The following KCNMB4 variants were observed in gnomAD, a reference collection of about 807,000 sequenced individuals.
KCNMB4 encodes the protein potassium calcium-activated channel subfamily M regulatory beta subunit 4, also known as calcium-activated potassium channel subunit beta-4.
KCNMB4 carries 3 observed loss-of-function variants against 20.7 expected under a neutral mutation model. The ratio of observed to expected loss-of-function variants is 0.14; its 90% CI spans 0.07 to 0.37. KCNMB4 has a LOEUF of 0.37. KCNMB4 is among the 10% of genes least tolerant of loss of function. The probability of loss-of-function intolerance (pLI) is 1.00; values close to 1 mark genes in which losing one functional copy is unlikely to be tolerated. For missense variants in KCNMB4, 168 were observed against 265.9 expected, an observed-to-expected ratio of 0.63 and a Z score of 2.56; for synonymous variants, 110 against 113.4, an observed-to-expected ratio of 0.97 and a Z score of 0.19.
intron 1 of KCNMB4, among the ~76,000 whole-genome samples, chr12:70,372,594 G>A (rs979061322): frequency 4.6e-5 from 7 of 152,200 alleles, no homozygotes; most frequent in Non-Finnish European, 7.3e-5. Context: ...CTGGGTGAAC[G>A]GAGGTGCTTT....
At chr12:70,385,485 G>A (rs1387499513) in intron 1 of KCNMB4, among the ~76,000 whole-genome samples, 1 of 152,082 alleles carries the variant, frequency 6.6e-6, no homozygotes, top group Non-Finnish European at 1.5e-5. Flanking sequence ...ATTTGATTTT[G>A]CATAAGAGTT....
Position 70,379,914 on chromosome 12 carries a change from T to G in KCNMB4, c.336+12844T>G, listed in dbSNP as rs1020829825. 3.3e-5 allele frequency among the ~76,000 whole-genome samples: 5 copies of G among 152,338 alleles called. No individual in the cohort carries two copies. In the East Asian group the frequency reaches 9.6e-4, roughly 29 times the overall value. On this transcript the variant is annotated intron_variant, in intron 1 of 2. Coordinates refer to ENST00000258111, the MANE Select transcript of KCNMB4 (RefSeq NM_014505.6). ...CCAGACCACTAAACCTTTCTCCATA[T>G]CAGCAATAAGGCTGTTTCACTTTCT...
At chr12:70,372,246 C>T (rs555141519) in intron 1 of KCNMB4, among the ~76,000 whole-genome samples, 5 of 152,282 alleles carry the variant, frequency 3.3e-5, no homozygotes, top group South Asian at 4.1e-4. Context: ...GAACACGATA[C>T]GGACTTTGGA....
intron 2 of KCNMB4, among the ~76,000 whole-genome samples, chr12:70,426,786 C>T (rs933458466): frequency 1.3e-5 from 2 of 152,076 alleles, no homozygotes; most frequent in East Asian, 1.9e-4. Flanking sequence ...ACCACAGCAC[C>T]GGGAGGATAG....
At chr12:70,411,455 T>C (rs1868773811) in intron 2 of KCNMB4, among the ~76,000 whole-genome samples, 1 of 152,196 alleles carries the variant, frequency 6.6e-6, no homozygotes, top group South Asian at 2.1e-4. Flanking sequence ...ATTTTATTAG[T>C]TTTTATTCAA....
chr12:70,383,007 A>C (rs570675348), intron 1 of KCNMB4, among the ~76,000 whole-genome samples: 2 of 152,344 alleles, frequency 1.3e-5, no homozygotes, highest in East Asian at 3.9e-4. Flanking sequence ...TGAATACTAT[A>C]GGCAGTTGTA....
At chr12:70,376,743 G>C (rs763655039) in intron 1 of KCNMB4, among the ~76,000 whole-genome samples, 4 of 150,936 alleles carry the variant, frequency 2.7e-5, no homozygotes, top group African/African-American at 9.7e-5. Flanking sequence ...GTCATGGCAC[G>C]TGCCTGTAGT....
At chr12:70,429,909 A>G (rs1869313917) in intron 2 of KCNMB4, among the ~76,000 whole-genome samples, 1 of 152,160 alleles carries the variant, frequency 6.6e-6, no homozygotes, top group Non-Finnish European at 1.5e-5. Flanking sequence ...AGAAGCATGG[A>G]AAAAGGCACT....
intron 1 of KCNMB4, among the ~76,000 whole-genome samples, chr12:70,387,408 T>G (rs1313258843): frequency 6.7e-6 from 1 of 149,496 alleles, no homozygotes; most frequent in Non-Finnish European, 1.5e-5. Flanking sequence ...ATTTTTTTTT[T>G]TTTTTTTTTG....
chr12:70,401,838 G>A (rs1868462044), intron 2 of KCNMB4, among the ~76,000 whole-genome samples: 2 of 151,920 alleles, frequency 1.3e-5, no homozygotes, highest in Non-Finnish European at 2.9e-5. Context: ...CTTACAACGT[G>A]GCAGCCTCAG....
chr12:70,400,398 G>A, intron 2 of KCNMB4, 62 bp downstream of exon 2: 1 of 1,518,030 alleles, frequency 6.6e-7, no homozygotes, highest in East Asian at 2.3e-5. Flanking sequence ...TTATTACACT[G>A]TTATATCGTA....
intron 2 of KCNMB4, among the ~76,000 whole-genome samples, chr12:70,420,331 G>A (rs779856556): frequency 4.6e-5 from 7 of 152,160 alleles, no homozygotes; most frequent in African/African-American, 7.2e-5. Flanking sequence ...TTGCAGATGT[G>A]ATTAAGGATT....
At chr12:70,414,795 AT>A (rs1037078150) in intron 2 of KCNMB4, among the ~76,000 whole-genome samples, 1 of 152,198 alleles carries the variant, frequency 6.6e-6, no homozygotes. Context: ...TTTGTGTAGC[AT>A]TTAAATACGC....
At position 70,432,840 on chromosome 12, in the gene KCNMB4, T is replaced by G. The variant is rs1869404622; in HGVS notation, c.*2187T>G. ...TATCCATTTTATCTTTATTCAGTTG[T>G]CTATGATTAATTGATTACAGAGTAG... is the stretch of plus-strand genomic sequence containing the variant. On this transcript the variant is annotated 3_prime_UTR_variant, in exon 3 of 3. Coordinates refer to ENST00000258111, the MANE Select transcript of KCNMB4 (RefSeq NM_014505.6). The G allele has an allele frequency of 6.6e-6, 1 of 152,176 alleles. No homozygotes were observed. Among genetic ancestry groups the G allele is most frequent in the Non-Finnish European group, 1.5e-5 (1 of 68,044 alleles). 9.4% of individuals were successfully genotyped at this position (152,176 alleles called of 1,614,324 possible). A position where few individuals can be genotyped will look rare whatever the true frequency, so the allele number is the denominator to read the frequency against.
At chr12:70,416,719 A>G (rs140426601) in intron 2 of KCNMB4, among the ~76,000 whole-genome samples, 1 of 152,330 alleles carries the variant, frequency 6.6e-6, no homozygotes, top group East Asian at 1.9e-4. Context: ...TTGACAGACT[A>G]CAACAAAATT....
intron 2 of KCNMB4, 75 bp from the exon 3 acceptor site, chr12:70,430,410 C>T: frequency 6.6e-7 from 1 of 1,513,026 alleles, no homozygotes; most frequent in South Asian, 1.2e-5. Context: ...GCAAGTTTGG[C>T]TTTAGGTTGT....
At chr12:70,403,983 C>T (rs374462794) in intron 2 of KCNMB4, among the ~76,000 whole-genome samples, 6 of 152,180 alleles carry the variant, frequency 3.9e-5, no homozygotes, top group African/African-American at 7.2e-5. Context: ...GGAATTAGGA[C>T]TTATTGCTGA....
At chr12:70,377,686 T>A (rs984821211) in intron 1 of KCNMB4, among the ~76,000 whole-genome samples, 1 of 152,196 alleles carries the variant, frequency 6.6e-6, no homozygotes, top group African/African-American at 2.4e-5. Flanking sequence ...ACAGTAGAAC[T>A]CCTTTCAAAA....
intron 2 of KCNMB4, among the ~76,000 whole-genome samples, chr12:70,420,203 C>T (rs1030598798): frequency 6.6e-6 from 1 of 152,092 alleles, no homozygotes; most frequent in Non-Finnish European, 1.5e-5. Context: ...TATAGGAGAG[C>T]GGTTTATGGT....
Sources: allele counts gnomAD v4.1 joint callset (sites outside exome capture counted in the v4.1 genomes callset), GRCh38; gene constraint gnomAD v4.1.1; transcripts MANE v1.5; gene names NCBI Gene and HGNC (gene_info 2026-07-23, HGNC 2026-07-21).